Variants in MDN1 observed in about 807,000 individuals in gnomAD.
The protein encoded by MDN1 is midasin AAA ATPase 1.
Under a neutral mutation model 669.2 loss-of-function variants are expected in MDN1, and 266 were observed. The ratio of observed to expected loss-of-function variants is 0.40; its 90% CI spans 0.36 to 0.44. The LOEUF is 0.44. Ranked by LOEUF, MDN1 falls within the 20% of genes least tolerant of loss-of-function variation. The probability of loss-of-function intolerance (pLI) is 1.00; values close to 1 mark genes in which losing one functional copy is unlikely to be tolerated. For synonymous variants in MDN1, 2,385 were observed against 2,457.1 expected (o/e 0.97, Z 0.87); for missense variants, 5,940 against 6,754.0 (o/e 0.88, Z 4.22).
chr6:89,648,224 GT>G (rs747419711), intron 98 of MDN1, 31 bp downstream of exon 98: 1 of 1,611,198 alleles, frequency 6.2e-7, no homozygotes, highest in South Asian at 1.1e-5. Flanking sequence ...GTTGTGAAAA[GT>G]TTTCATAAAG....
At position 89,713,142 on chromosome 6, in the gene MDN1, T is replaced by C. The variant is rs573982667; in HGVS notation, c.7218+6A>G. 6.2e-7 allele frequency: 1 copy of C among 1,609,848 alleles called. No homozygotes were observed. The highest frequency in any genetic ancestry group is 2.2e-5 in the East Asian group (1 of 44,844). The stretch of plus-strand genomic sequence containing the variant: ...CTTAGAAACATTCTGCAATACTTCA[T>C]AGTACCTTCCGGTTTGCTGGTGAAT... On this transcript the variant is annotated splice_donor_region_variant and intron_variant, in intron 47 of 101. Transcript: ENST00000369393.
intron 18 of MDN1, among the ~76,000 whole-genome samples, 192 bp from the exon 19 acceptor site, chr6:89,758,543 TGTTA>T (rs1273099552): frequency 1.3e-5 from 2 of 152,212 alleles, no homozygotes; most frequent in African/African-American, 2.4e-5. Context: ...GTTTATTCAC[TGTTA>T]TTTATCTTTT....
At chr6:89,812,930 A>G (rs1299706690) in intron 1 of MDN1, among the ~76,000 whole-genome samples, 1 of 151,502 alleles carries the variant, frequency 6.6e-6, no homozygotes, top group Non-Finnish European at 1.5e-5. Flanking sequence ...GAGACTCCCC[A>G]TCTCTACAAA....
At chr6:89,718,098 T>C (rs1382915918) in intron 43 of MDN1, among the ~76,000 whole-genome samples, 1 of 152,228 alleles carries the variant, frequency 6.6e-6, no homozygotes. Flanking sequence ...AATAAAAGTT[T>C]TACATGCTGT....
At chr6:89,673,726 T>A (rs943206910) in intron 79 of MDN1, among the ~76,000 whole-genome samples, 1 of 151,246 alleles carries the variant, frequency 6.6e-6, no homozygotes, top group Non-Finnish European at 1.5e-5. Flanking sequence ...TAATGATAAA[T>A]TTATTCCATT....
intron 31 of MDN1, 96 bp from the exon 32 acceptor site, chr6:89,740,474 CT>C: frequency 3.3e-6 from 4 of 1,205,156 alleles, no homozygotes; most frequent in Non-Finnish European, 4.5e-6. Flanking sequence ...AAGTTATCTT[CT>C]TTCTACTGAA....
At chr6:89,690,165 T>C (rs778470241) in intron 64 of MDN1, 22 bp from the exon 65 acceptor site, 70 of 1,604,552 alleles carry the variant, frequency 4.4e-5, no homozygotes, top group African/African-American at 6.7e-5. Context: ...ATTAGAGCAA[T>C]TGAACTTTTA....
intron 95 of MDN1, among the ~76,000 whole-genome samples, chr6:89,651,717 A>AT (rs1808884745): frequency 6.6e-6 from 1 of 152,258 alleles, no homozygotes; most frequent in African/African-American, 2.4e-5. Flanking sequence ...AGAGCACTGA[A>AT]TACATATATG....
At chr6:89,686,012 G>T in intron 69 of MDN1, 39 bp from the exon 70 acceptor site, 1 of 1,592,238 alleles carries the variant, frequency 6.3e-7, no homozygotes, top group South Asian at 1.1e-5. Context: ...ATGTTCCTTC[G>T]ACCATGACTC....
At chr6:89,716,591 C>T (rs770761867) in intron 44 of MDN1, 59 bp downstream of exon 44, 438 of 1,542,056 alleles carry the variant, frequency 2.8e-4, no homozygotes, top group Middle Eastern at 5.2e-4. Flanking sequence ...TGGGTTTCTA[C>T]TTTGACAAGC....
intron 92 of MDN1, among the ~76,000 whole-genome samples, chr6:89,655,408 G>C (rs1285120839): frequency 1.3e-5 from 2 of 152,132 alleles, no homozygotes. Flanking sequence ...CCTGATATCG[G>C]GGTTTGGATG....
In MDN1 at chr6:89,809,259, C is replaced by T. The variant is rs1167132345; in HGVS notation, c.103-5705G>A. Among the ~76,000 whole-genome samples, 3 of 147,076 alleles carry T rather than the reference C, an allele frequency of 2.0e-5. No individual in the cohort carries two copies. The East Asian group carries it at 6.1e-4, about 30-fold the overall frequency. ...AAAAAAGAAGTATGTATATTTGACT[C>T]TTTTACAGCACTGTTTGCATAGCTT... is the stretch of plus-strand genomic sequence containing the variant. On this transcript the variant is annotated intron_variant, in intron 1 of 101. Transcript: ENST00000369393.
At chr6:89,736,638 AC>A (rs1393248372) in intron 33 of MDN1, among the ~76,000 whole-genome samples, 38 of 150,778 alleles carry the variant, frequency 2.5e-4, no homozygotes, top group African/African-American at 9.3e-4. Flanking sequence ...AAAAAAAAAC[AC>A]AAAAATTAGC....
chr6:89,688,499 A>T, intron 66 of MDN1, 74 bp downstream of exon 66: 1 of 1,387,496 alleles, frequency 7.2e-7, no homozygotes, highest in Non-Finnish European at 9.9e-7. Context: ...GGGTGCCCCC[A>T]GGGATAATGG....
At chr6:89,795,601 T>C (rs969818891) in intron 2 of MDN1, among the ~76,000 whole-genome samples, 5 of 151,900 alleles carry the variant, frequency 3.3e-5, no homozygotes, top group African/African-American at 1.2e-4. Flanking sequence ...AATAAGTAAA[T>C]GAACTGCAAA....
chr6:89,760,081 T>A (rs375572881), intron 17 of MDN1, among the ~76,000 whole-genome samples: 276 of 104,786 alleles, frequency 2.6e-3, no homozygotes, highest in African/African-American at 7.6e-3. Flanking sequence ...CAAAAAAAAA[T>A]AATAATAATA....
At chr6:89,787,467 A>T (rs1584371391) in intron 8 of MDN1, among the ~76,000 whole-genome samples, 1 of 152,134 alleles carries the variant, frequency 6.6e-6, no homozygotes, top group East Asian at 1.9e-4. Flanking sequence ...AAGTCATTTC[A>T]CTTATTCTTT....
chr6:89,714,120 T>G (rs1356754786), intron 46 of MDN1, among the ~76,000 whole-genome samples: 1 of 152,124 alleles, frequency 6.6e-6, no homozygotes, highest in Admixed American at 6.5e-5. Context: ...CAAGCAATAC[T>G]TCATTTATTA....
chr6:89,789,930 G>T lies in MDN1; in HGVS notation c.1099-19C>A, dbSNP rs373007868. On this transcript the variant is annotated intron_variant, in intron 6 of 101. Transcript: ENST00000369393. ...AAAGCATCTGCAGAAAGAAGATAAA[G>T]TAATTACTGAAAAACCATACCTGTA... is the stretch of plus-strand genomic sequence containing the variant. 71 of 1,606,220 alleles carry T rather than the reference G, an allele frequency of 4.4e-5. No individual in the cohort carries two copies. Among genetic ancestry groups the T allele is most frequent in the Non-Finnish European group, 5.6e-5 (66 of 1,177,114 alleles).
Sources: allele counts gnomAD v4.1 joint callset (sites outside exome capture counted in the v4.1 genomes callset), GRCh38; gene constraint gnomAD v4.1.1; transcripts MANE v1.5; gene names NCBI Gene and HGNC (gene_info 2026-07-23, HGNC 2026-07-21).